Variants in ADGRB1 observed in about 807,000 individuals in gnomAD.
ADGRB1 encodes brain-specific angiogenesis inhibitor 1.
ADGRB1 carries 36 observed loss-of-function variants against 175.7 expected under a neutral mutation model. That is an observed-to-expected ratio of 0.20 (90% CI 0.16 to 0.27). The LOEUF is 0.27. ADGRB1 is among the 10% of genes least tolerant of loss of function. The probability of loss-of-function intolerance (pLI) is 1.00; values close to 1 mark genes in which losing one functional copy is unlikely to be tolerated. For synonymous variants in ADGRB1, 1,054 were observed against 979.4 expected (o/e 1.08, Z -1.42); for missense variants, 1,731 against 2,255.3 (o/e 0.77, Z 4.71).
Position 142,510,301 on chromosome 8 carries a change from C to A in ADGRB1, c.2676-631C>A, listed in dbSNP as rs1843016420. Among the ~76,000 whole-genome samples the A allele has an allele frequency of 6.6e-6, 1 of 151,250 alleles. No individual in the cohort carries two copies. The highest frequency in any genetic ancestry group is 1.5e-5 in the Non-Finnish European group (1 of 67,834). On this transcript the variant is annotated intron_variant, in intron 17 of 30. Coordinates refer to ENST00000517894, the MANE Select transcript of ADGRB1 (RefSeq NM_001702.3). The surrounding 1 kb of genome is among the most constrained non-coding windows in gnomAD (Gnocchi z 6.3). The stretch of plus-strand genomic sequence containing the variant: ...AAGTTTCCAGCGGCAAGCCTCCCCG[C>A]GGGGAAGGCTGTGTCTGTCCCAGGA...
intron 24 of ADGRB1, among the ~76,000 whole-genome samples, chr8:142,527,238 C>T (rs1198305193): frequency 1.3e-5 from 2 of 152,216 alleles, no homozygotes; most frequent in Admixed American, 6.5e-5. Flanking sequence ...GGGGAAGCTG[C>T]GGGGCGTGGG....
intron 2 of ADGRB1, among the ~76,000 whole-genome samples, chr8:142,468,069 C>T (rs980083191): frequency 6.6e-6 from 1 of 152,192 alleles, no homozygotes; most frequent in Non-Finnish European, 1.5e-5. Context: ...CGCATGCATT[C>T]ATGCAAGTGT....
chr8:142,471,872 C>G (rs1303439552), intron 2 of ADGRB1, among the ~76,000 whole-genome samples: 4 of 152,212 alleles, frequency 2.6e-5, no homozygotes, highest in Non-Finnish European at 5.9e-5. Context: ...CGGGGCCCTC[C>G]CTTCCACGTC....
At chr8:142,473,819 G>T (rs1242975793) in intron 2 of ADGRB1, among the ~76,000 whole-genome samples, 2 of 152,216 alleles carry the variant, frequency 1.3e-5, no homozygotes, top group Admixed American at 6.5e-5. Context: ...GGTGGGTCAA[G>T]TCCCTCTCCT....
chr8:142,453,954 C>T (rs1839509296), intron 1 of ADGRB1, among the ~76,000 whole-genome samples: 1 of 152,126 alleles, frequency 6.6e-6, no homozygotes. Context: ...GAGAAATAGA[C>T]CAGAGCTGGA....
chr8:142,478,481 T>C, intron 7 of ADGRB1, 121 bp downstream of exon 7: 2 of 1,157,182 alleles, frequency 1.7e-6, no homozygotes, highest in Non-Finnish European at 1.2e-6. Context: ...GAGGAGGGAG[T>C]GGGGTGCACA....
chr8:142,472,895 C>T (rs1461128818), intron 2 of ADGRB1, among the ~76,000 whole-genome samples: 4 of 152,050 alleles, frequency 2.6e-5, no homozygotes, highest in Non-Finnish European at 2.9e-5. Flanking sequence ...GGGCTCAGCA[C>T]GGGTCCAAAG....
Position 142,516,279 on chromosome 8 carries a change from TTGCGTGTGTGTGGGCCCCAGGTGCA to T in ADGRB1, c.2818-1848_2818-1824del, listed in dbSNP as rs779367233. 6.5e-3 allele frequency among the ~76,000 whole-genome samples: 460 copies of T among 70,806 alleles called. 2 individuals are homozygous for T. The highest frequency in any genetic ancestry group is 0.029 in the Middle Eastern group (2 of 68). The allele number at this position is 70,806 out of a possible 152,430, so 46.5% of individuals were successfully genotyped here. On this transcript the variant is annotated intron_variant, in intron 18 of 30. Coordinates refer to ENST00000517894, the MANE Select transcript of ADGRB1 (RefSeq NM_001702.3). Reference sequence around the variant, plus strand: ...GTGCGTGCGTCTGTGCGGGCCCCAGTTGCGTGTGTGTGGGCCCCAGGTGCATGCGTGTGTGCGGGCCCCAGGTGCA... The same window carrying T: ...GTGCGTGCGTCTGTGCGGGCCCCAGTTGCGTGTGTGCGGGCCCCAGGTGCA...
At chr8:142,469,386 T>C (rs1361988269) in intron 2 of ADGRB1, among the ~76,000 whole-genome samples, 1 of 146,964 alleles carries the variant, frequency 6.8e-6, no homozygotes, top group African/African-American at 2.5e-5. Flanking sequence ...AATGTGGGAG[T>C]GTGTATGTGC....
At chr8:142,499,803 G>T (rs1032560331) in intron 17 of ADGRB1, among the ~76,000 whole-genome samples, 10 of 152,230 alleles carry the variant, frequency 6.6e-5, no homozygotes, top group African/African-American at 2.4e-4. Flanking sequence ...GGAGAGGGCC[G>T]CCACTTCCTG....
chr8:142,499,596 G>A (rs577234800), intron 17 of ADGRB1, among the ~76,000 whole-genome samples: 22 of 150,792 alleles, frequency 1.5e-4, no homozygotes, highest in Non-Finnish European at 2.4e-4. Flanking sequence ...GGAGTGCCGC[G>A]GTGGGAGCGC....
intron 17 of ADGRB1, among the ~76,000 whole-genome samples, chr8:142,503,506 C>T (rs1842722902): frequency 6.6e-6 from 1 of 152,076 alleles, no homozygotes; most frequent in Admixed American, 6.5e-5. Context: ...TGGCCCCCTG[C>T]CAGCAGGGGT....
At chr8:142,533,229 G>A (rs916520975) in intron 24 of ADGRB1, 66 bp from the exon 25 acceptor site, 138 of 1,400,390 alleles carry the variant, frequency 9.9e-5, no homozygotes, top group Non-Finnish European at 1.3e-4. Flanking sequence ...GGAGATGCAG[G>A]GTTCAGGGCA....
Position 142,488,454 on chromosome 8 carries a change from T to G in ADGRB1, c.2399T>G (p.Val800Gly), listed in dbSNP as rs1466644542. The change falls in exon 14 of 31, where the codon GTG becomes GGG. Residue 800 changes from valine to glycine, a missense_variant. Transcript: ENST00000517894. ...GWRATGDWAK[V>G]PEDRVTVSKS... is the part of the protein sequence containing the mutation. Reference sequence around the variant, plus strand: ...CGGGCCACGGGTGACTGGGCCAAGGTGCCAGAGGACAGGGTCACTGTGTCC... The same window carrying G: ...CGGGCCACGGGTGACTGGGCCAAGGGGCCAGAGGACAGGGTCACTGTGTCC... 6.2e-7 allele frequency: 1 copy of G among 1,613,018 alleles called. No homozygotes were observed. Among genetic ancestry groups the G allele is most frequent in the Non-Finnish European group, 8.5e-7 (1 of 1,179,826 alleles).
chr8:142,515,396 G>A (rs891101500), intron 18 of ADGRB1, among the ~76,000 whole-genome samples: 7 of 152,216 alleles, frequency 4.6e-5, no homozygotes, highest in African/African-American at 7.2e-5. Context: ...AGCAACGGCC[G>A]TCGGGAGTGA....
intron 17 of ADGRB1, among the ~76,000 whole-genome samples, chr8:142,501,286 G>A (rs1390233553): frequency 2.0e-5 from 3 of 146,956 alleles, no homozygotes; most frequent in Admixed American, 6.9e-5. Flanking sequence ...TGATGATGGA[G>A]GTGATGGTAG....
chr8:142,474,949 GT>G lies in ADGRB1; in HGVS notation c.785-524del, dbSNP rs1563689926. On this transcript the variant is annotated intron_variant, in intron 2 of 30. Coordinates refer to ENST00000517894, the MANE Select transcript of ADGRB1 (RefSeq NM_001702.3). The surrounding 1 kb of genome is among the most constrained non-coding windows in gnomAD (Gnocchi z 5.8). Reference sequence around the variant, plus strand: ...CCTTGATCACCACTGGTATACCTGCGTGGGGTGAAGAAGCGGCTCCAGGTCA... The same window carrying G: ...CCTTGATCACCACTGGTATACCTGCGGGGGTGAAGAAGCGGCTCCAGGTCA... Among the ~76,000 whole-genome samples, 1 of 152,178 alleles carries G rather than the reference GT, an allele frequency of 6.6e-6. No individual in the cohort carries two copies. Among genetic ancestry groups the G allele is most frequent in the African/African-American group, 2.4e-5 (1 of 41,450 alleles).
intron 13 of ADGRB1, among the ~76,000 whole-genome samples, chr8:142,488,067 C>T (rs1563704223): frequency 1.3e-5 from 2 of 151,392 alleles, no homozygotes; most frequent in Non-Finnish European, 3.0e-5. Flanking sequence ...ACCTTCTGGG[C>T]CATGGAGGGT....
Position 142,543,753 on chromosome 8 carries a change from A to T in ADGRB1, c.4557+45A>T. The T allele has an allele frequency of 6.7e-7, 1 of 1,495,460 alleles. No homozygotes were observed. Among genetic ancestry groups the T allele is most frequent in the Non-Finnish European group, 9.1e-7 (1 of 1,097,518 alleles). 92.6% of individuals were successfully genotyped at this position (1,495,460 alleles called of 1,614,324 possible). On this transcript the variant is annotated intron_variant, in intron 30 of 30. Coordinates refer to ENST00000517894, the MANE Select transcript of ADGRB1 (RefSeq NM_001702.3). The surrounding 1 kb of genome is among the most constrained non-coding windows in gnomAD (Gnocchi z 4.4). ...GCGGGGTGGGGAGAGCCCTTAGGTCAGGCCACCGTCTCCCTTCTTCCCTGG... is the reference window on the plus strand; with the variant it reads ...GCGGGGTGGGGAGAGCCCTTAGGTCTGGCCACCGTCTCCCTTCTTCCCTGG...
Sources: gnomAD v4.1 joint callset for allele counts (sites outside exome capture counted in the v4.1 genomes callset) on GRCh38, gnomAD v4.1.1 for gene constraint, Gnocchi (gnomAD v3.1) non-coding constraint, MANE v1.5 for transcripts, NCBI Gene and HGNC (gene_info 2026-07-23, HGNC 2026-07-21) for gene names.